The following PRDM7 variants were observed in gnomAD, a reference collection of about 807,000 sequenced individuals.
The protein encoded by PRDM7 is histone-lysine N-methyltransferase PRDM7.
In PRDM7, 52 loss-of-function variants were observed where a neutral mutation model predicts 64.3. That is an observed-to-expected ratio of 0.81 (90% CI 0.65 to 1.02). The LOEUF is 1.02. PRDM7 is among the 50% of genes least tolerant of loss of function. The pLI, the probability that PRDM7 is intolerant of heterozygous loss-of-function variation, is 0.00. For missense variants in PRDM7, 574 were observed against 597.1 expected (o/e 0.96, Z 0.40); for synonymous variants, 192 against 210.1 (o/e 0.91, Z 0.74).
In PRDM7 at chr16:90,062,405, G is replaced by GT. The variant is rs2037796934; in HGVS notation, c.605dup (p.Tyr202Ter). 6.2e-7 allele frequency: 1 copy of GT among 1,613,814 alleles called. No individual in the cohort carries two copies. Among genetic ancestry groups the GT allele is most frequent in the South Asian group, 1.1e-5 (1 of 91,076 alleles). ...GTGGCTGAAAGGGTCACTCACAGAG[G>GT]TAGTCATCATCCTGTGGCTCGCTGA... ...KEISEPQDDD[Y>*]LYCEMCQNFF... Residue 202 changes from tyrosine to a stop codon, truncating the protein, a stop_gained and frameshift_variant, in exon 7 of 11, where the codon TAC becomes TAAC. Transcript: ENST00000449207. LOFTEE classifies it high-confidence loss of function.
Position 90,074,968 on chromosome 16 carries a change from G to A in PRDM7, c.249C>T (p.Leu83=). The A allele has an allele frequency of 6.2e-7, 1 of 1,614,092 alleles. No homozygotes were observed. Among genetic ancestry groups the A allele is most frequent in the Non-Finnish European group, 8.5e-7 (1 of 1,180,016 alleles). ...CGGAATCTTCTGTGTCATCCACCTG[G>A]AGTTTGATGGCCTGCCTTCGGTGAC... ...FMCHRRQAIK[L]QVDDTEDSDE... is the part of the protein sequence containing the mutation. Residue 83 remains leucine, a synonymous_variant, in exon 4 of 11, where the codon CTC becomes CTT. Transcript: ENST00000449207.
intron 9 of PRDM7, among the ~76,000 whole-genome samples, chr16:90,061,241 A>G (rs183238845): frequency 6.6e-6 from 1 of 152,370 alleles, no homozygotes; most frequent in African/African-American, 2.4e-5. Flanking sequence ...TTTGTCTAGC[A>G]TACATATTTG....
rs777923986 is a variant in PRDM7 at position 90,061,518 on chromosome 16, A to G, written c.884T>C (p.Ile295Thr). The part of the protein sequence containing the change: ...EAANSGYSWL[I>T]TKGRNCYEYV... ...CTCATAGCAGTTTCTCCCCTTGGTG[A>G]TCTGAGTTTCAAAAAATAAGGTAAA... Residue 295 changes from isoleucine (I) to threonine (T), a missense_variant and splice_region_variant, in exon 9 of 11, where the codon ATC becomes ACC. Transcript: ENST00000449207. The G allele has an allele frequency of 4.4e-6, 7 of 1,599,830 alleles. No individual in the cohort carries two copies. The highest frequency in any genetic ancestry group is 1.6e-4 in the Middle Eastern group (1 of 6,068).
intron 6 of PRDM7, 75 bp downstream of exon 6, chr16:90,063,537 C>T: frequency 6.5e-7 from 1 of 1,539,614 alleles, no homozygotes; most frequent in South Asian, 1.1e-5. Context: ...AAGTCCACCC[C>T]ACATAGGTAG....
At position 90,062,412 on chromosome 16, in the gene PRDM7, T is replaced by C; in HGVS notation, c.599A>G (p.Asp200Gly). Residue 200 changes from aspartate (D) to glycine (G), a missense_variant, in exon 7 of 11, where the codon GAT (aspartate) becomes GGT (glycine). Asp to Gly is a moderately conservative substitution (Grantham distance 94). Transcript: ENST00000449207. ...AAAGGGTCACTCACAGAGGTAGTCA[T>C]CATCCTGTGGCTCGCTGATCTCTTT... ...AYKEISEPQDDDYLYCEMCQN... is the reference protein window; with the variant it reads ...AYKEISEPQDGDYLYCEMCQN... 1 of 1,614,164 alleles carries C rather than the reference T, an allele frequency of 6.2e-7. No individual in the cohort carries two copies. The highest frequency in any genetic ancestry group is 8.5e-7 in the Non-Finnish European group (1 of 1,179,972).
At position 90,067,747 on chromosome 16, in the gene PRDM7, C is replaced by T. The variant is rs112112548; in HGVS notation, c.302-837G>A. Among the ~76,000 whole-genome samples, 16 of 150,570 alleles carry T rather than the reference C, an allele frequency of 1.1e-4. 2 individuals are homozygous for T. Among genetic ancestry groups the T allele is most frequent in the South Asian group, 6.2e-4 (3 of 4,804 alleles). ...CTGGGACTGCAGGTGCCTGCCACCA[C>T]GCCCAGCTAATTTTTTGTATTTTTA... On this transcript the variant is annotated intron_variant, in intron 4 of 10. Transcript: ENST00000449207.
At chr16:90,071,270 T>C (rs1447418581) in intron 4 of PRDM7, among the ~76,000 whole-genome samples, 1 of 152,148 alleles carries the variant, frequency 6.6e-6, no homozygotes, top group Non-Finnish European at 1.5e-5. Flanking sequence ...TAGCTGGTAA[T>C]ACAGGTGCAT....
chr16:90,075,965 C>G lies in PRDM7; in HGVS notation c.-55G>C. On this transcript the variant is annotated 5_prime_UTR_variant, in exon 2 of 11. Coordinates refer to ENST00000449207, the MANE Select transcript of PRDM7 (RefSeq NM_001098173.2). The surrounding 1 kb of genome is among the most constrained non-coding windows in gnomAD (Gnocchi z 4.3). The stretch of plus-strand genomic sequence containing the variant: ...CCAATTCTGAGTGTGGGAAGGGCCC[C>G]TGAGTCTCCCAGCTCCTAGGCCAAA... 6.3e-7 allele frequency: 1 copy of G among 1,577,380 alleles called. No individual in the cohort carries two copies. The highest frequency in any genetic ancestry group is 8.7e-7 in the Non-Finnish European group (1 of 1,155,490).
chr16:90,066,384 G>A (rs545304195), intron 5 of PRDM7, among the ~76,000 whole-genome samples: 2 of 151,188 alleles, frequency 1.3e-5, no homozygotes, highest in Non-Finnish European at 2.9e-5. Flanking sequence ...TCAATTGGAC[G>A]AATGATGTAA....
In PRDM7 at chr16:90,075,181, T is replaced by A. The variant is rs2038018833; in HGVS notation, c.194-158A>T. Among the ~76,000 whole-genome samples the A allele has an allele frequency of 6.6e-6, 1 of 152,194 alleles. No homozygotes were observed. Among genetic ancestry groups the A allele is most frequent in the African/African-American group, 2.4e-5 (1 of 41,432 alleles). ...AGATGTGACCTCTGCATGGTCAGTA[T>A]CCACACACAACCCTGCACTGACGCA... On this transcript the variant is annotated intron_variant, in intron 3 of 10. Coordinates refer to ENST00000449207, the MANE Select transcript of PRDM7 (RefSeq NM_001098173.2). The surrounding 1 kb of genome is among the most constrained non-coding windows in gnomAD (Gnocchi z 4.3).
intron 10 of PRDM7, 114 bp from the exon 11 acceptor site, chr16:90,058,648 T>C: frequency 1.5e-6 from 2 of 1,292,294 alleles, no homozygotes; most frequent in Non-Finnish European, 2.2e-6. Flanking sequence ...CAATGCAAGC[T>C]CTCTCCCACC....
chr16:90,059,487 C>A (rs770896305), intron 10 of PRDM7, among the ~76,000 whole-genome samples: 3 of 152,230 alleles, frequency 2.0e-5, no homozygotes, highest in African/African-American at 4.8e-5. Context: ...CCCATGGCAG[C>A]CTATTTTCCA....
At chr16:90,059,787 C>G (rs1457488626) in intron 10 of PRDM7, among the ~76,000 whole-genome samples, 1 of 152,236 alleles carries the variant, frequency 6.6e-6, no homozygotes, top group Non-Finnish European at 1.5e-5. Context: ...TCATTTTCTT[C>G]AAAGCACTAA....
intron 4 of PRDM7, among the ~76,000 whole-genome samples, chr16:90,069,429 T>C (rs1310116360): frequency 2.0e-4 from 30 of 151,452 alleles, no homozygotes; most frequent in Admixed American, 2.0e-3. Flanking sequence ...GAGGAAAAGC[T>C]TCATGACATT....
chr16:90,060,441 C>A lies in PRDM7; in HGVS notation c.1133G>T (p.Gly378Val). ...RSSIEPAESL[G>V]QAVNCWSGMG... ...ACCAGACCAGCAGTTCACAGCCTGG[C>A]CTAATGACTCGGCAGGTTCTATAGA... The change falls in exon 10 of 11, where the codon GGC becomes GTC. Residue 378 changes from glycine (G) to valine (V), a missense_variant. Gly to Val is a moderately radical substitution (Grantham distance 109). Coordinates refer to ENST00000449207, the MANE Select transcript of PRDM7 (RefSeq NM_001098173.2). 1 of 1,613,672 alleles carries A rather than the reference C, an allele frequency of 6.2e-7. No homozygotes were observed. Among genetic ancestry groups the A allele is most frequent in the Non-Finnish European group, 8.5e-7 (1 of 1,179,816 alleles).
At chr16:90,062,677 G>A (rs1393518250) in intron 6 of PRDM7, among the ~76,000 whole-genome samples, 175 bp from the exon 7 acceptor site, 1 of 152,182 alleles carries the variant, frequency 6.6e-6, no homozygotes, top group African/African-American at 2.4e-5. Context: ...ACTGACTGTA[G>A]ATGCCTATTC....
At chr16:90,065,713 C>T (rs575606704) in intron 5 of PRDM7, among the ~76,000 whole-genome samples, 5 of 151,432 alleles carry the variant, frequency 3.3e-5, no homozygotes, top group Admixed American at 1.3e-4. Context: ...GCAGCCTTGG[C>T]GCAAGAGCCA....
At chr16:90,060,759 T>C in intron 9 of PRDM7, 136 bp from the exon 10 acceptor site, 1 of 1,235,832 alleles carries the variant, frequency 8.1e-7, no homozygotes, top group Non-Finnish European at 1.2e-6. Context: ...AACTCCAGAC[T>C]TACCTCCACC....
At chr16:90,061,811 C>G in intron 8 of PRDM7, 110 bp downstream of exon 8, 29 of 1,518,588 alleles carry the variant, frequency 1.9e-5, no homozygotes, top group Non-Finnish European at 2.4e-5. Flanking sequence ...GTACACAGAG[C>G]TAACCATGTT....
Sources: allele counts gnomAD v4.1 joint callset (sites outside exome capture counted in the v4.1 genomes callset), GRCh38; gene constraint gnomAD v4.1.1; non-coding constraint Gnocchi (gnomAD v3.1); transcripts MANE v1.5; gene names NCBI Gene and HGNC (gene_info 2026-07-23, HGNC 2026-07-21).